Variants in AP1S3 observed in about 807,000 individuals in gnomAD.
AP1S3 encodes the protein AP-1 complex subunit sigma-3.
Under a neutral mutation model 20.9 loss-of-function variants are expected in AP1S3, and 10 were observed. That is an observed-to-expected ratio of 0.48 (90% confidence interval 0.29 to 0.81). The LOEUF is 0.81. Ranked by LOEUF, AP1S3 falls within the 30% of genes least tolerant of loss-of-function variation. The pLI is 0.08. For synonymous variants in AP1S3, 41 were observed against 61.5 expected (o/e 0.67, Z 1.56); for missense variants, 154 against 183.8 (o/e 0.84, Z 0.94).
rs1690448537 is a variant in AP1S3 at position 223,765,202 on chromosome 2, A to G, written c.429+11T>C. ...TCATCTTTCTCCCATGGTTTGGGAA[A>G]CCGTACTGACCTCCTGTAACATATC... On this transcript the variant is annotated intron_variant, in intron 4 of 4. Coordinates refer to ENST00000396654, the MANE Select transcript of AP1S3 (RefSeq NM_001039569.2). The G allele has an allele frequency of 3.7e-6, 6 of 1,609,338 alleles. No homozygotes were observed. The highest frequency in any genetic ancestry group is 5.1e-6 in the Non-Finnish European group (6 of 1,179,100).
intron 1 of AP1S3, among the ~76,000 whole-genome samples, chr2:223,807,644 A>T (rs1451616724): frequency 6.6e-6 from 1 of 152,038 alleles, no homozygotes; most frequent in Non-Finnish European, 1.5e-5. Context: ...TAAGTGAGGA[A>T]GTTATCACGA....
At position 223,758,015 on chromosome 2, in the gene AP1S3, C is replaced by T. The variant is rs1176531624; in HGVS notation, c.*700G>A. The T allele has an allele frequency of 1.0e-6, 1 of 973,690 alleles. No homozygotes were observed. Among genetic ancestry groups the T allele is most frequent in the Non-Finnish European group, 1.2e-6 (1 of 819,588 alleles). 60.3% of individuals were successfully genotyped at this position (973,690 alleles called of 1,614,324 possible). On this transcript the variant is annotated 3_prime_UTR_variant, in exon 5 of 5. Transcript: ENST00000396654. ...TAATAAATATATAGTTCATAGAAAACCTTATTGGAATGTCCCTTATATTCA... is the reference window on the plus strand; with the variant it reads ...TAATAAATATATAGTTCATAGAAAATCTTATTGGAATGTCCCTTATATTCA...
chr2:223,780,353 AGAGAGTGTGTGTGT>A (rs1312520978), intron 1 of AP1S3, among the ~76,000 whole-genome samples: 4 of 58,578 alleles, frequency 6.8e-5, no homozygotes, highest in African/African-American at 3.3e-4. Flanking sequence ...AGAGAGAGAG[AGAGAGTGTGTGTGT>A]GTGTGTGTGT....
At chr2:223,794,814 C>A (rs529990059) in intron 1 of AP1S3, among the ~76,000 whole-genome samples, 1 of 152,166 alleles carries the variant, frequency 6.6e-6, no homozygotes, top group Non-Finnish European at 1.5e-5. Flanking sequence ...CTCTCCCTTG[C>A]GTCTGAACCC....
intron 1 of AP1S3, among the ~76,000 whole-genome samples, chr2:223,797,559 C>T (rs969930239): frequency 3.3e-5 from 5 of 152,022 alleles, no homozygotes; most frequent in Non-Finnish European, 5.9e-5. Flanking sequence ...ATCAGGAGTT[C>T]GAGACCAGCC....
At chr2:223,788,673 A>G (rs1574704113) in intron 1 of AP1S3, among the ~76,000 whole-genome samples, 1 of 150,560 alleles carries the variant, frequency 6.6e-6, no homozygotes, top group Admixed American at 6.6e-5. Flanking sequence ...CTGAGGCAGG[A>G]GAACTGCTTG....
rs758275363 is a variant in AP1S3 at position 223,837,440 on chromosome 2, G to C, written c.3+8C>G. On this transcript the variant is annotated splice_region_variant and intron_variant, in intron 1 of 4. Coordinates refer to ENST00000396654, the MANE Select transcript of AP1S3 (RefSeq NM_001039569.2). Reference sequence around the variant, plus strand: ...GCCTACCCGGGCCGGCGGTTCCCCCGCACTCACCATCGTGGCTGGGCCGCC... The same window carrying C: ...GCCTACCCGGGCCGGCGGTTCCCCCCCACTCACCATCGTGGCTGGGCCGCC... 8.0e-7 allele frequency: 1 copy of C among 1,248,456 alleles called. No homozygotes were observed. Among genetic ancestry groups the C allele is most frequent in the South Asian group, 2.9e-5 (1 of 34,808 alleles). The allele number at this position is 1,248,456 out of a possible 1,614,324, so 77.3% of individuals were successfully genotyped here.
chr2:223,833,567 A>C (rs1367631686), intron 1 of AP1S3, among the ~76,000 whole-genome samples: 1 of 152,214 alleles, frequency 6.6e-6, no homozygotes, highest in Admixed American at 6.5e-5. Context: ...CTGTGTGTAA[A>C]GTACTAGGTG....
intron 1 of AP1S3, among the ~76,000 whole-genome samples, chr2:223,827,549 C>G (rs891310329): frequency 6.6e-6 from 1 of 151,816 alleles, no homozygotes; most frequent in African/African-American, 2.4e-5. Context: ...CACCCAGCTA[C>G]ATTTTTTTTT....
At chr2:223,821,310 C>A (rs956589793) in intron 1 of AP1S3, among the ~76,000 whole-genome samples, 1 of 152,156 alleles carries the variant, frequency 6.6e-6, no homozygotes, top group Non-Finnish European at 1.5e-5. Flanking sequence ...CACCCGCCAC[C>A]ACACCCAGCT....
At chr2:223,803,141 T>G (rs997400341) in intron 1 of AP1S3, among the ~76,000 whole-genome samples, 6 of 152,174 alleles carry the variant, frequency 3.9e-5, no homozygotes, top group African/African-American at 2.4e-5. Flanking sequence ...GAGTAAGAAG[T>G]GTTGTTTTTC....
At chr2:223,775,154 G>C (rs561112843) in intron 3 of AP1S3, among the ~76,000 whole-genome samples, 12 of 152,306 alleles carry the variant, frequency 7.9e-5, no homozygotes, top group African/African-American at 2.2e-4. Context: ...ACCCGCAGGA[G>C]GGTTCAATGG....
intron 1 of AP1S3, among the ~76,000 whole-genome samples, chr2:223,786,132 A>C (rs1691066727): frequency 1.3e-5 from 2 of 152,208 alleles, no homozygotes; most frequent in African/African-American, 4.8e-5. Context: ...AAAAAAATTA[A>C]GTCTTAAGAA....
intron 1 of AP1S3, among the ~76,000 whole-genome samples, chr2:223,814,912 G>A (rs750405870): frequency 6.6e-6 from 1 of 152,104 alleles, no homozygotes; most frequent in Non-Finnish European, 1.5e-5. Context: ...AAGTAGCTGG[G>A]ACCACAGGTA....
In AP1S3 at chr2:223,837,526, AG is replaced by A. The variant is rs1291120410; in HGVS notation, c.-77del. Reference sequence around the variant, plus strand: ...AGCGAGGGCGAGAGGCGAGCGCTGGAGCCGGTGCGGCTGACAGGTGAGGCGC... The same window carrying A: ...AGCGAGGGCGAGAGGCGAGCGCTGGACCGGTGCGGCTGACAGGTGAGGCGC... On this transcript the variant is annotated 5_prime_UTR_variant, in exon 1 of 5. Coordinates refer to ENST00000396654, the MANE Select transcript of AP1S3 (RefSeq NM_001039569.2). The A allele has an allele frequency of 9.4e-7, 1 of 1,068,470 alleles. No individual in the cohort carries two copies. The highest frequency in any genetic ancestry group is 1.2e-6 in the Non-Finnish European group (1 of 832,772). The allele number at this position is 1,068,470 out of a possible 1,614,324, so 66.2% of individuals were successfully genotyped here. A position where few individuals can be genotyped will look rare whatever the true frequency, so the allele number is the denominator to read the frequency against.
intron 1 of AP1S3, among the ~76,000 whole-genome samples, chr2:223,821,006 C>T (rs73991875): frequency 0.14 from 21,275 of 152,138 alleles, 2,061 homozygotes; most frequent in East Asian, 0.41. Flanking sequence ...CCCTATACAC[C>T]GTGAGCCTCC....
intron 3 of AP1S3, 113 bp from the exon 4 acceptor site, chr2:223,765,463 A>G: frequency 9.0e-7 from 1 of 1,112,462 alleles, no homozygotes; most frequent in South Asian, 1.7e-5. Context: ...AAAAATAAAA[A>G]TATCAGATGG....
chr2:223,807,867 CTTTTTTTTTTTTTTT>C (rs138805104), intron 1 of AP1S3, among the ~76,000 whole-genome samples: 2 of 43,220 alleles, frequency 4.6e-5, no homozygotes, highest in Admixed American at 4.3e-4. Context: ...CATTTCTTTT[CTTTTTTTTTTTTTTT>C]TTTTTTTTTT....
At chr2:223,790,103 G>A (rs1168204890) in intron 1 of AP1S3, among the ~76,000 whole-genome samples, 1 of 152,050 alleles carries the variant, frequency 6.6e-6, no homozygotes, top group Admixed American at 6.6e-5. Context: ...TACATGCAAT[G>A]GATCAGAAAC....
Sources: allele counts gnomAD v4.1 joint callset (sites outside exome capture counted in the v4.1 genomes callset), GRCh38; gene constraint gnomAD v4.1.1; transcripts MANE v1.5; gene names NCBI Gene and HGNC (gene_info 2026-07-23, HGNC 2026-07-21).